Variants in UBE3D observed in about 807,000 individuals in gnomAD.
UBE3D encodes ubiquitin protein ligase E3D.
A neutral mutation model predicts 49.6 loss-of-function variants in UBE3D; 48 were observed. The observed-to-expected ratio is 0.97, with a 90% confidence interval of 0.77 to 1.23. The LOEUF (loss-of-function observed/expected upper bound fraction) is 1.23. UBE3D is among the 50% of genes most tolerant of loss of function. The probability of loss-of-function intolerance (pLI) is 0.00; values close to 1 mark genes in which losing one functional copy is unlikely to be tolerated. For synonymous variants in UBE3D, 189 were observed against 174.2 expected (o/e 1.08, Z -0.67); for missense variants, 452 against 468.4 (o/e 0.96, Z 0.32).
intron 5 of UBE3D, among the ~76,000 whole-genome samples, chr6:83,024,939 T>C (rs1015605731): frequency 5.3e-5 from 8 of 152,204 alleles, no homozygotes; most frequent in Admixed American, 4.6e-4. Flanking sequence ...TGAGAATTGA[T>C]TGAGGGGCCA....
At chr6:82,983,136 C>T (rs999524734) in intron 8 of UBE3D, among the ~76,000 whole-genome samples, 1 of 148,940 alleles carries the variant, frequency 6.7e-6, no homozygotes, top group Non-Finnish European at 1.5e-5. Flanking sequence ...CAGGCATGAG[C>T]CATCATACCT....
chr6:82,957,882 T>G (rs1219280468), intron 8 of UBE3D, among the ~76,000 whole-genome samples: 1 of 152,202 alleles, frequency 6.6e-6, no homozygotes, highest in Admixed American at 6.5e-5. Flanking sequence ...CTGAGCTGGA[T>G]AGGCCCTTAT....
downstream of UBE3D, among the ~76,000 whole-genome samples, chr6:82,888,415 A>G (rs1770927792): frequency 1.3e-5 from 2 of 152,128 alleles, no homozygotes; most frequent in Admixed American, 1.3e-4. Flanking sequence ...TAAGTAATAA[A>G]ATAGAAAATA....
chr6:82,932,062 T>A (rs1391108741), intron 9 of UBE3D, among the ~76,000 whole-genome samples: 2 of 152,170 alleles, frequency 1.3e-5, no homozygotes, highest in Non-Finnish European at 2.9e-5. Flanking sequence ...CTCATTCTTC[T>A]CCTTGCTGTC....
chr6:82,966,181 T>C (rs1436799704), intron 8 of UBE3D, among the ~76,000 whole-genome samples: 1 of 152,098 alleles, frequency 6.6e-6, no homozygotes, highest in Non-Finnish European at 1.5e-5. Flanking sequence ...TTTGATTCCA[T>C]TTATATAAAA....
intron 8 of UBE3D, among the ~76,000 whole-genome samples, chr6:82,961,141 A>C (rs1776520140): frequency 6.6e-6 from 1 of 152,178 alleles, no homozygotes; most frequent in African/African-American, 2.4e-5. Context: ...ATCTCAAGAC[A>C]GTCACTTTTT....
chr6:83,036,992 T>C (rs1782309021), intron 5 of UBE3D: 1 of 152,156 alleles, frequency 6.6e-6, no homozygotes, highest in Non-Finnish European at 1.5e-5. Flanking sequence ...TAGTTGGTAT[T>C]CTTCCATTAT....
chr6:82,945,883 T>C (rs1043952524), intron 9 of UBE3D, among the ~76,000 whole-genome samples: 3 of 152,150 alleles, frequency 2.0e-5, no homozygotes, highest in African/African-American at 7.2e-5. Context: ...ACACTAAAGA[T>C]TGAATCAGAG....
At chr6:82,932,081 A>G (rs1374696442) in intron 9 of UBE3D, among the ~76,000 whole-genome samples, 1 of 152,058 alleles carries the variant, frequency 6.6e-6, no homozygotes, top group Non-Finnish European at 1.5e-5. Context: ...TCACCATGTG[A>G]CATGTGTTCA....
At chr6:82,978,368 T>G (rs1031840892) in intron 8 of UBE3D, among the ~76,000 whole-genome samples, 1 of 152,200 alleles carries the variant, frequency 6.6e-6, no homozygotes, top group East Asian at 1.9e-4. Flanking sequence ...CAAAGTTTCC[T>G]GACTTTATTT....
intron 8 of UBE3D, among the ~76,000 whole-genome samples, chr6:82,977,613 G>A (rs934924605): frequency 6.6e-6 from 1 of 152,164 alleles, no homozygotes; most frequent in African/African-American, 2.4e-5. Flanking sequence ...CGAGGCAGGT[G>A]CATCGCCTGA....
chr6:83,006,167 G>A (rs1370388492), intron 8 of UBE3D, among the ~76,000 whole-genome samples: 1 of 152,162 alleles, frequency 6.6e-6, no homozygotes, highest in Non-Finnish European at 1.5e-5. Context: ...AGAGGTTGCA[G>A]TGAGCAGAGA....
At position 82,993,084 on chromosome 6, in the gene UBE3D, TA is replaced by T. The variant is rs1779002903; in HGVS notation, c.1010+25888del. ...AAAGCTTTCACCTTATCTCTGGTGTTAGGTTATTGTGACAGAGAAAGAAACG... is the reference window on the plus strand; with the variant it reads ...AAAGCTTTCACCTTATCTCTGGTGTTGGTTATTGTGACAGAGAAAGAAACG... On this transcript the variant is annotated intron_variant, in intron 8 of 9. Transcript: ENST00000369747. 1.3e-5 allele frequency among the ~76,000 whole-genome samples: 2 copies of T among 151,006 alleles called. 1 individual carries two copies.
At chr6:82,897,945 T>C (rs7760892) in intron 9 of UBE3D, among the ~76,000 whole-genome samples, 26,294 of 152,174 alleles carry the variant, frequency 0.17, 3,749 homozygotes, top group African/African-American at 0.39. Flanking sequence ...GACAAAGGAC[T>C]AATATCCAGA....
chr6:83,025,621 G>A (rs1014842515), intron 5 of UBE3D, among the ~76,000 whole-genome samples: 4 of 151,940 alleles, frequency 2.6e-5, no homozygotes, highest in Non-Finnish European at 2.9e-5. Flanking sequence ...AGTGACTCAC[G>A]CCTGTAATCC....
At chr6:82,939,036 C>T (rs1011971280) in intron 9 of UBE3D, among the ~76,000 whole-genome samples, 14 of 151,302 alleles carry the variant, frequency 9.3e-5, no homozygotes, top group African/African-American at 3.4e-4. Flanking sequence ...CCAAGGTGAC[C>T]GAGTGAGACT....
chr6:82,923,894 C>G (rs1421208342), intron 9 of UBE3D, among the ~76,000 whole-genome samples: 1 of 151,890 alleles, frequency 6.6e-6, no homozygotes, highest in Non-Finnish European at 1.5e-5. Flanking sequence ...ACCATATAAA[C>G]AGATTAAATG....
intron 8 of UBE3D, among the ~76,000 whole-genome samples, chr6:82,974,445 C>A (rs1328249660): frequency 1.3e-5 from 2 of 152,140 alleles, no homozygotes; most frequent in East Asian, 3.9e-4. Flanking sequence ...CTGCACATAT[C>A]CTCCCATATA....
At chr6:83,053,933 G>A (rs561561555) in intron 3 of UBE3D, among the ~76,000 whole-genome samples, 1 of 152,292 alleles carries the variant, frequency 6.6e-6, no homozygotes, top group East Asian at 1.9e-4. Context: ...CTCTCTCAAA[G>A]CCAGCATCCT....
Sources: allele counts gnomAD v4.1 joint callset (sites outside exome capture counted in the v4.1 genomes callset), GRCh38; gene constraint gnomAD v4.1.1; transcripts MANE v1.5; gene names NCBI Gene and HGNC (gene_info 2026-07-23, HGNC 2026-07-21).